The following KATNA1 variants were observed in gnomAD, a reference collection of about 807,000 sequenced individuals.
The protein encoded by KATNA1 is katanin p60 ATPase-containing subunit A1.
In KATNA1, 42 loss-of-function variants were observed where a neutral mutation model predicts 62.6. That is an observed-to-expected ratio of 0.67 (90% CI 0.52 to 0.87). KATNA1 has a LOEUF of 0.87. Among genes scored for constraint, KATNA1 ranks in the 40% least tolerant of loss-of-function variants. The probability of loss-of-function intolerance (pLI) is 0.00; values close to 1 mark genes in which losing one functional copy is unlikely to be tolerated. For synonymous variants in KATNA1, 186 were observed against 201.9 expected (o/e 0.92, Z 0.67); for missense variants, 498 against 612.5 (o/e 0.81, Z 1.97).
At chr6:149,608,907 C>G (rs1307668910) in intron 4 of KATNA1, among the ~76,000 whole-genome samples, 1 of 152,198 alleles carries the variant, frequency 6.6e-6, no homozygotes, top group Non-Finnish European at 1.5e-5. Context: ...ACCCCAATCT[C>G]TCTGCCAGAG....
intron 1 of KATNA1, among the ~76,000 whole-genome samples, chr6:149,643,250 T>G (rs1039918994): frequency 2.6e-5 from 4 of 152,294 alleles, no homozygotes; most frequent in African/African-American, 9.6e-5. Context: ...CTTTCCTCAC[T>G]AGAGCCTTGA....
chr6:149,626,213 C>T (rs1779600030), intron 3 of KATNA1, among the ~76,000 whole-genome samples: 1 of 150,150 alleles, frequency 6.7e-6, no homozygotes, highest in Non-Finnish European at 1.5e-5. Context: ...ATGGTTGAGT[C>T]GGTACTGAAC....
intron 2 of KATNA1, among the ~76,000 whole-genome samples, chr6:149,637,544 T>C (rs1342635125): frequency 6.6e-6 from 1 of 151,680 alleles, no homozygotes; most frequent in African/African-American, 2.4e-5. Context: ...AAAAAACTCT[T>C]GGCTAGGCGT....
rs1779912336 is a variant in KATNA1 at position 149,633,084 on chromosome 6, TA to T, written c.163-169del. 4.0e-5 allele frequency among the ~76,000 whole-genome samples: 6 copies of T among 151,480 alleles called. No individual in the cohort carries two copies. The South Asian group carries it at 1.2e-3, about 31-fold the overall frequency. On this transcript the variant is annotated intron_variant, in intron 2 of 10. Transcript: ENST00000367411. Reference sequence around the variant, plus strand: ...AATGTTAATAACAGTTTATTAAATTTATGTTTTCAATTGCAATTTTTTTTTT... The same window carrying T: ...AATGTTAATAACAGTTTATTAAATTTTGTTTTCAATTGCAATTTTTTTTTT...
At chr6:149,599,616 C>T (rs1165671789) in intron 7 of KATNA1, among the ~76,000 whole-genome samples, 1 of 152,052 alleles carries the variant, frequency 6.6e-6, no homozygotes, top group Non-Finnish European at 1.5e-5. Context: ...CACCCCGGTT[C>T]AAGCAATTCT....
At chr6:149,621,586 G>A (rs1363864545) in intron 4 of KATNA1, among the ~76,000 whole-genome samples, 1 of 151,314 alleles carries the variant, frequency 6.6e-6, no homozygotes, top group Non-Finnish European at 1.5e-5. Flanking sequence ...TCCGCCTCCC[G>A]GGTTCAAGTG....
intron 4 of KATNA1, among the ~76,000 whole-genome samples, chr6:149,611,689 C>A (rs1778962391): frequency 1.3e-5 from 2 of 151,984 alleles, no homozygotes; most frequent in East Asian, 1.9e-4. Flanking sequence ...TCATTATAGA[C>A]CTGCAAGCAC....
At chr6:149,597,309 A>G (rs1778363445) in intron 9 of KATNA1, 120 bp from the exon 10 acceptor site, 7 of 1,268,982 alleles carry the variant, frequency 5.5e-6, no homozygotes, top group Non-Finnish European at 7.6e-6. Context: ...CTAAGAAGAG[A>G]TAATTAAGTA....
At position 149,594,919 on chromosome 6, in the gene KATNA1, T is replaced by A. The variant is rs533236358; in HGVS notation, c.*117A>T. On this transcript the variant is annotated 3_prime_UTR_variant, in exon 11 of 11. Coordinates refer to ENST00000367411, the MANE Select transcript of KATNA1 (RefSeq NM_007044.4). ...CTTTATTCAGAATCATAAGGGTTTTTTTAAAAAAATCTTACCATTATGAAA... is the reference window on the plus strand; with the variant it reads ...CTTTATTCAGAATCATAAGGGTTTTATTAAAAAAATCTTACCATTATGAAA... 9.8e-4 allele frequency: 766 copies of A among 780,242 alleles called. 4 individuals are homozygous for A. In the African/African-American group the frequency reaches 0.012, roughly 12 times the overall value. The allele number at this position is 780,242 out of a possible 1,614,324, so 48.3% of individuals were successfully genotyped here.
At chr6:149,645,456 C>CAAAAAAAA (rs201041700) in intron 1 of KATNA1, among the ~76,000 whole-genome samples, 86 of 123,602 alleles carry the variant, frequency 7.0e-4, no homozygotes, top group East Asian at 2.5e-3. Flanking sequence ...AAACAAAAAA[C>CAAAAAAAA]AAAAAAAAAA....
At chr6:149,595,990 C>T (rs942350176) in intron 10 of KATNA1, among the ~76,000 whole-genome samples, 7 of 152,182 alleles carry the variant, frequency 4.6e-5, no homozygotes, top group Admixed American at 4.6e-4. Context: ...AGACTGTATT[C>T]TGTGCATATG....
chr6:149,615,640 C>A (rs1206797221), intron 4 of KATNA1, among the ~76,000 whole-genome samples: 1 of 152,014 alleles, frequency 6.6e-6, no homozygotes, highest in Admixed American at 6.6e-5. Context: ...GGACAAAAAA[C>A]TGACAGGGTG....
intron 4 of KATNA1, among the ~76,000 whole-genome samples, chr6:149,617,860 T>C (rs9406345): frequency 0.34 from 51,754 of 150,904 alleles, 10,448 homozygotes; most frequent in East Asian, 0.81. Flanking sequence ...CGCTTGAACC[T>C]GAGAGGTGGA....
intron 3 of KATNA1, among the ~76,000 whole-genome samples, chr6:149,623,972 T>C (rs1477574534): frequency 6.6e-6 from 1 of 152,222 alleles, no homozygotes; most frequent in Non-Finnish European, 1.5e-5. Context: ...AAGTATTCAA[T>C]TCACATTTAT....
At position 149,648,652 on chromosome 6, in the gene KATNA1, C is replaced by G. The variant is rs999265443; in HGVS notation, c.-197G>C. The G allele has an allele frequency of 2.0e-5, 3 of 152,348 alleles. No individual in the cohort carries two copies. The highest frequency in any genetic ancestry group is 2.0e-4 in the Admixed American group (3 of 15,284). The allele number at this position is 152,348 out of a possible 1,614,324, so 9.4% of individuals were successfully genotyped here. On this transcript the variant is annotated 5_prime_UTR_variant, in exon 1 of 11. Transcript: ENST00000367411. The stretch of plus-strand genomic sequence containing the variant: ...ACCTGCCGGCGCGGCTCCTGCTCGC[C>G]GAGAATTTGAAGACAAACCCGCCAG...
At chr6:149,617,939 A>AAAATAAATAAATAAAT (rs1333260724) in intron 4 of KATNA1, among the ~76,000 whole-genome samples, 15,590 of 133,316 alleles carry the variant, frequency 0.12, 1,539 homozygotes, top group East Asian at 0.27. Context: ...CTTGTCTCCA[A>AAAATAAATAAATAAAT]AAATAAATAA....
chr6:149,618,063 G>A (rs1445881726), intron 4 of KATNA1, among the ~76,000 whole-genome samples: 3 of 149,236 alleles, frequency 2.0e-5, no homozygotes, highest in Non-Finnish European at 4.4e-5. Context: ...GCTGAGGCAG[G>A]AGGATCGCTT....
intron 7 of KATNA1, 29 bp from the exon 8 acceptor site, chr6:149,598,379 C>G (rs925278654): frequency 6.2e-7 from 1 of 1,602,274 alleles, no homozygotes; most frequent in Admixed American, 1.7e-5. Context: ...CAATATCAAG[C>G]TATTAAGCTA....
At chr6:149,644,949 T>C (rs1780422433) in intron 1 of KATNA1, among the ~76,000 whole-genome samples, 1 of 152,232 alleles carries the variant, frequency 6.6e-6, no homozygotes, top group Admixed American at 6.5e-5. Flanking sequence ...TCCCTAATTG[T>C]TAGCCGAAAA....
Sources: gnomAD v4.1 joint callset for allele counts (sites outside exome capture counted in the v4.1 genomes callset) on GRCh38, gnomAD v4.1.1 for gene constraint, MANE v1.5 for transcripts, NCBI Gene and HGNC (gene_info 2026-07-23, HGNC 2026-07-21) for gene names.